The following TJAP1 variants were observed in gnomAD, a reference collection of about 807,000 sequenced individuals.
TJAP1 encodes the protein tight junction associated protein 1.
TJAP1 carries 27 observed loss-of-function variants against 42.0 expected under a neutral mutation model. The ratio of observed to expected loss-of-function variants is 0.64; its 90% CI spans 0.47 to 0.89. The LOEUF (loss-of-function observed/expected upper bound fraction) is 0.89. Ranked by LOEUF, TJAP1 falls within the 40% of genes least tolerant of loss-of-function variation. The pLI is 0.00. For missense variants in TJAP1, 712 were observed against 726.9 expected (o/e 0.98, Z 0.24); for synonymous variants, 257 against 288.4 (o/e 0.89, Z 1.10).
intron 4 of TJAP1, 163 bp downstream of exon 4, chr6:43,499,263 G>A (rs1355076160): frequency 2.9e-6 from 3 of 1,042,244 alleles, no homozygotes; most frequent in Non-Finnish European, 4.1e-6. Flanking sequence ...GCAGGTGGGG[G>A]TAATGTAGGC....
chr6:43,484,816 C>T (rs555701450), intron 2 of TJAP1, among the ~76,000 whole-genome samples: 33 of 152,322 alleles, frequency 2.2e-4, no homozygotes, highest in African/African-American at 7.5e-4. Context: ...ACCTCCACCT[C>T]CCGGGTTCAG....
At chr6:43,500,222 G>A (rs1790215357) in intron 4 of TJAP1, among the ~76,000 whole-genome samples, 1 of 152,216 alleles carries the variant, frequency 6.6e-6, no homozygotes, top group Non-Finnish European at 1.5e-5. Flanking sequence ...GACAGACAAG[G>A]CACTTCCTCC....
chr6:43,495,635 G>A lies in TJAP1; in HGVS notation c.-121-2246G>A, dbSNP rs1788930827. Among the ~76,000 whole-genome samples the A allele has an allele frequency of 6.6e-6, 1 of 152,124 alleles. No individual in the cohort carries two copies. Among genetic ancestry groups the A allele is most frequent in the African/African-American group, 2.4e-5 (1 of 41,410 alleles). On this transcript the variant is annotated intron_variant, in intron 2 of 10. Transcript: ENST00000372449. This position sits in a 1 kb window ranked among gnomAD's most constrained non-coding sequence, Gnocchi z 4.6. ...ACATGCGTGGAAAGAATAGGCTCTG[G>A]CAGAGAGAATAACCTCCCATCACAA... is the stretch of plus-strand genomic sequence containing the variant.
chr6:43,485,250 T>C (rs1229772178), intron 2 of TJAP1, among the ~76,000 whole-genome samples: 1 of 152,218 alleles, frequency 6.6e-6, no homozygotes, highest in Non-Finnish European at 1.5e-5. Flanking sequence ...ATCCAGGCAT[T>C]GAGGAAGCCA....
chr6:43,502,342 A>C, exon 7 of TJAP1: 1 of 1,613,616 alleles, frequency 6.2e-7, no homozygotes, highest in Non-Finnish European at 8.5e-7. Flanking sequence ...GACAAGCTGC[A>C]CACACTGGTA....
rs193201952 is a variant in TJAP1 at position 43,486,090 on chromosome 6, G to A, written c.-122+7858G>A. 3.3e-3 allele frequency among the ~76,000 whole-genome samples: 506 copies of A among 151,114 alleles called. 1 individual carries two copies. Among genetic ancestry groups the A allele is most frequent in the Non-Finnish European group, 4.5e-3 (307 of 67,798 alleles). On this transcript the variant is annotated intron_variant, in intron 2 of 10. Transcript: ENST00000372449. ...GGGTTCAAGCAATGCTCAGCCTCCC[G>A]AGTAGCTGGGACTACAGGCATGTGC...
At chr6:43,487,371 G>A (rs1470738327) in intron 2 of TJAP1, among the ~76,000 whole-genome samples, 1 of 152,146 alleles carries the variant, frequency 6.6e-6, no homozygotes, top group Non-Finnish European at 1.5e-5. Context: ...ACCTTCACAG[G>A]TAGCCCAAGT....
At chr6:43,494,336 G>A (rs184400272) in intron 2 of TJAP1, among the ~76,000 whole-genome samples, 3 of 152,298 alleles carry the variant, frequency 2.0e-5, no homozygotes, top group Admixed American at 2.0e-4. Flanking sequence ...ATGCAGCAGG[G>A]GCAGGGAGGG....
chr6:43,496,026 G>T (rs961556236), intron 2 of TJAP1, among the ~76,000 whole-genome samples: 9 of 152,190 alleles, frequency 5.9e-5, no homozygotes, highest in African/African-American at 2.2e-4. Flanking sequence ...CAGAGGAATA[G>T]AGGAGGGGCA....
chr6:43,482,383 G>A (rs930238342), intron 2 of TJAP1, among the ~76,000 whole-genome samples: 3 of 152,062 alleles, frequency 2.0e-5, no homozygotes, highest in African/African-American at 4.8e-5. Flanking sequence ...GAATGCCAAC[G>A]ACCTCTGGGT....
rs1791576773 is a variant in TJAP1 at position 43,503,872 on chromosome 6, C to T, written c.579+166C>T. ...AGTCAACTCTGCCACTGGTTGGTGT[C>T]CCGTGTACTGTCCAGGGCCCATCAC... On this transcript the variant is annotated intron_variant, in intron 10 of 10. Transcript: ENST00000372449. The T allele has an allele frequency of 5.5e-6, 4 of 728,608 alleles. No homozygotes were observed. The East Asian group carries it at 1.1e-4, about 20-fold the overall frequency. 45.1% of individuals were successfully genotyped at this position (728,608 alleles called of 1,614,324 possible). A position where few individuals can be genotyped will look rare whatever the true frequency, so the allele number is the denominator to read the frequency against.
In TJAP1 at chr6:43,505,153, A is replaced by C; in HGVS notation, c.972A>C (p.Pro324=). 6.2e-7 allele frequency: 1 copy of C among 1,613,900 alleles called. No individual in the cohort carries two copies. Among genetic ancestry groups the C allele is most frequent in the Non-Finnish European group, 8.5e-7 (1 of 1,179,950 alleles). ...ACCCAACCCCGTCTCCACCACACCC[A>C]CTGTATCCTGGCCGCAGGGTAATAG... The change falls in exon 11 of 11, where the codon CCA becomes CCC. Residue 324 remains proline (P), a synonymous_variant. Coordinates refer to ENST00000372449, the Ensembl canonical transcript of TJAP1. This position sits in a 1 kb window ranked among gnomAD's most constrained non-coding sequence, Gnocchi z 5.5.
intron 2 of TJAP1, among the ~76,000 whole-genome samples, chr6:43,487,255 G>A (rs552984743): frequency 1.3e-5 from 2 of 152,238 alleles, no homozygotes; most frequent in South Asian, 2.1e-4. Context: ...ATCCGCCTAC[G>A]GAGAAGCCAT....
At chr6:43,498,207 T>A (rs1254787623) in intron 3 of TJAP1, among the ~76,000 whole-genome samples, 1 of 152,210 alleles carries the variant, frequency 6.6e-6, no homozygotes, top group Non-Finnish European at 1.5e-5. Context: ...TGATTTTTTT[T>A]AAACTAACAT....
chr6:43,503,616 T>C lies in TJAP1; in HGVS notation c.496-7T>C, dbSNP rs374994753. 41 of 1,613,864 alleles carry C rather than the reference T, an allele frequency of 2.5e-5. No homozygotes were observed. Among genetic ancestry groups the C allele is most frequent in the Non-Finnish European group, 3.3e-5 (39 of 1,179,890 alleles). ...GGCTGGGCTCTGAAACAGGTCTGTG[T>C]CTGTAGGAGCGGTACCGGCTGGACT... On this transcript the variant is annotated splice_region_variant and splice_polypyrimidine_tract_variant and intron_variant, in intron 9 of 10. Coordinates refer to ENST00000372449, the Ensembl canonical transcript of TJAP1.
At chr6:43,478,467 G>A (rs911560939) in intron 2 of TJAP1, among the ~76,000 whole-genome samples, 1 of 152,194 alleles carries the variant, frequency 6.6e-6, no homozygotes, top group Non-Finnish European at 1.5e-5. Flanking sequence ...CCTGGACAGA[G>A]GCCTAGAGAC....
In TJAP1 at chr6:43,505,293, G is replaced by T. The variant is rs7767260; in HGVS notation, c.1112G>T (p.Arg371Leu). 5.6e-6 allele frequency: 9 copies of T among 1,611,596 alleles called. No homozygotes were observed. The highest frequency in any genetic ancestry group is 7.6e-6 in the Non-Finnish European group (9 of 1,179,694). ...GTAGAGGAGGGGAGTGAGCGGGCCC[G>T]CCCCAGCCCAGTGCCCAGCACCCCT... The change falls in exon 11 of 11, where the codon CGC becomes CTC. Residue 371 changes from arginine (R) to leucine (L), a missense_variant. Arg to Leu is a moderately radical substitution (Grantham distance 102). Around this residue, in one of 3 missense-constraint regions of TJAP1, gnomAD observed 549 missense variants for 528.2 expected, o/e 1.04. Coordinates refer to ENST00000372449, the Ensembl canonical transcript of TJAP1. This position sits in a 1 kb window ranked among gnomAD's most constrained non-coding sequence, Gnocchi z 5.5.
At chr6:43,485,847 A>T (rs1393599199) in intron 2 of TJAP1, among the ~76,000 whole-genome samples, 1 of 152,252 alleles carries the variant, frequency 6.6e-6, no homozygotes, top group Non-Finnish European at 1.5e-5. Flanking sequence ...AAGGTCCTGC[A>T]TAAACAAAAG....
intron 2 of TJAP1, 37 bp downstream of exon 2, chr6:43,478,269 T>C (rs1243234532): frequency 2.0e-5 from 3 of 152,228 alleles, no homozygotes; most frequent in African/African-American, 7.2e-5. Flanking sequence ...CTGGCTGGCA[T>C]GCTCCCTGGG....
Sources: gnomAD v4.1 joint callset for allele counts (sites outside exome capture counted in the v4.1 genomes callset) on GRCh38, gnomAD v4.1.1 for gene constraint, gnomAD v4.1.1 regional missense constraint, Gnocchi (gnomAD v3.1) non-coding constraint, MANE v1.5 for transcripts, NCBI Gene and HGNC (gene_info 2026-07-23, HGNC 2026-07-21) for gene names.